RGPD3: variants seen among roughly 807,000 people sequenced by gnomAD.
RGPD3 encodes RANBP2 like and GRIP domain containing 3, also known as ranBP2-like and GRIP domain-containing protein 3.
Under a neutral mutation model 154.5 loss-of-function variants are expected in RGPD3, and 62 were observed. The ratio of observed to expected loss-of-function variants is 0.40; its 90% CI spans 0.33 to 0.50. The LOEUF is 0.50. Ranked by LOEUF, RGPD3 falls within the 20% of genes least tolerant of loss-of-function variation. The probability of loss-of-function intolerance (pLI) is 0.59; values close to 1 mark genes in which losing one functional copy is unlikely to be tolerated. For missense variants in RGPD3, 919 were observed against 1,716.8 expected, an observed-to-expected ratio of 0.54 and a Z score of 8.21; for synonymous variants, 308 against 607.0, an observed-to-expected ratio of 0.51 and a Z score of 7.24.
chr2:106,465,525 T>G (rs1573307148), intron 1 of RGPD3, among the ~76,000 whole-genome samples: 1 of 148,126 alleles, frequency 6.8e-6, no homozygotes, highest in East Asian at 2.0e-4. Context: ...GAAGCCAAGG[T>G]CCCCACTAAG....
chr2:106,409,665 G>T (rs1416642532), intron 22 of RGPD3, among the ~76,000 whole-genome samples: 3 of 151,186 alleles, frequency 2.0e-5, no homozygotes, highest in Admixed American at 2.0e-4. Context: ...AGATTTTATT[G>T]GGTTTTTGAA....
upstream of RGPD3, among the ~76,000 whole-genome samples, chr2:106,469,480 A>G (rs1678755813): frequency 6.6e-6 from 1 of 152,240 alleles, no homozygotes; most frequent in Non-Finnish European, 1.5e-5. Flanking sequence ...AATGTGGCAC[A>G]TGTTTAAAAA....
chr2:106,468,213 T>G lies in RGPD3; in HGVS notation c.72+4A>C. ...GGCCGTCGGTCTCTTCCAGACCCAC[T>G]CACCTTTCGAGGCGACGGGGCGGAG... is the stretch of plus-strand genomic sequence containing the variant. On this transcript the variant is annotated splice_donor_region_variant and intron_variant, in intron 1 of 22. Transcript: ENST00000409886. 6.2e-7 allele frequency: 1 copy of G among 1,604,102 alleles called. No homozygotes were observed. The highest frequency in any genetic ancestry group is 8.5e-7 in the Non-Finnish European group (1 of 1,176,436).
chr2:106,446,264 T>TACA (rs1677923154), intron 7 of RGPD3, among the ~76,000 whole-genome samples: 1 of 73,408 alleles, frequency 1.4e-5, no homozygotes, highest in African/African-American at 5.2e-5. Flanking sequence ...GCAGGCTCAT[T>TACA]AAAAAAAAAA....
At chr2:106,408,938 G>C (rs1024409427) in intron 22 of RGPD3, among the ~76,000 whole-genome samples, 38 of 151,570 alleles carry the variant, frequency 2.5e-4, no homozygotes, top group Middle Eastern at 3.2e-3. Flanking sequence ...CTCCTGCCTG[G>C]TCTTCTCAAA....
intron 22 of RGPD3, among the ~76,000 whole-genome samples, chr2:106,407,942 T>C (rs1267132268): frequency 7.7e-6 from 1 of 130,570 alleles, no homozygotes; most frequent in East Asian, 2.6e-4. Flanking sequence ...TGTAGAGAGT[T>C]TTAGACCTCT....
chr2:106,411,864 C>T (rs896605259), intron 22 of RGPD3, among the ~76,000 whole-genome samples: 6 of 152,154 alleles, frequency 3.9e-5, no homozygotes, highest in African/African-American at 1.4e-4. Context: ...GGAACATCAA[C>T]CAAATGCAAT....
intron 22 of RGPD3, among the ~76,000 whole-genome samples, chr2:106,412,095 A>G (rs1287495690): frequency 2.0e-5 from 3 of 146,772 alleles, no homozygotes; most frequent in Non-Finnish European, 4.5e-5. Context: ...CTCAAGAGAG[A>G]TTATAGCGTC....
Position 106,405,219 on chromosome 2 carries a change from T to G in RGPD3, c.5277A>C (p.Ter1759TyrextTer20), listed in dbSNP as rs748211381. ...KLAAVAQGEE[*>Y] The stretch of plus-strand genomic sequence containing the variant: ...CCCATCCAGAAGAACGGGAAGCATT[T>G]TATTCCTCACCTTTGGAAAGTAAAA... The change falls in exon 23 of 23, where the codon TAA (stop) becomes TAC (tyrosine). Residue 1759 changes from the stop codon to tyrosine (Y), a stop_lost. Transcript: ENST00000409886. 1.2e-6 allele frequency: 2 copies of G among 1,609,596 alleles called. No individual in the cohort carries two copies. Among genetic ancestry groups the G allele is most frequent in the South Asian group, 2.2e-5 (2 of 89,744 alleles).
chr2:106,445,999 C>T (rs1356804814), intron 7 of RGPD3, among the ~76,000 whole-genome samples: 28 of 39,762 alleles, frequency 7.0e-4, no homozygotes, highest in African/African-American at 2.6e-3. Flanking sequence ...TGAAGCAGGA[C>T]AATCGCTTGA....
In RGPD3 at chr2:106,404,289, G is replaced by A. The variant is rs1420038485; in HGVS notation, c.*930C>T. Among the ~76,000 whole-genome samples, 1 of 149,874 alleles carries A rather than the reference G, an allele frequency of 6.7e-6. No individual in the cohort carries two copies. The highest frequency in any genetic ancestry group is 2.5e-5 in the African/African-American group (1 of 40,064). ...TGCATGCAGTGACACCCTATCAAGA[G>A]CCTGGAAAGACACCATGAAATCACC... On this transcript the variant is annotated 3_prime_UTR_variant, in exon 23 of 23. Coordinates refer to ENST00000409886, the MANE Select transcript of RGPD3 (RefSeq NM_001144013.2).
chr2:106,403,477 G>T lies in RGPD3; in HGVS notation c.*1742C>A, dbSNP rs1405679170. ...TCCTCTCATTGCAGAAACCATGAAAGAATATGCCTTTTGTAATCAATTTTT... is the reference window on the plus strand; with the variant it reads ...TCCTCTCATTGCAGAAACCATGAAATAATATGCCTTTTGTAATCAATTTTT... On this transcript the variant is annotated 3_prime_UTR_variant, in exon 23 of 23. Coordinates refer to ENST00000409886, the MANE Select transcript of RGPD3 (RefSeq NM_001144013.2). 6.6e-6 allele frequency among the ~76,000 whole-genome samples: 1 copy of T among 152,064 alleles called. No homozygotes were observed. The highest frequency in any genetic ancestry group is 1.9e-4 in the East Asian group (1 of 5,138).
intron 9 of RGPD3, among the ~76,000 whole-genome samples, chr2:106,438,269 G>A (rs1417838270): frequency 6.6e-6 from 1 of 151,946 alleles, no homozygotes; most frequent in African/African-American, 2.4e-5. Flanking sequence ...AGGATCACTT[G>A]AGCCTAGGAG....
At chr2:106,467,673 C>A (rs1233123214) in intron 1 of RGPD3, among the ~76,000 whole-genome samples, 2 of 141,766 alleles carry the variant, frequency 1.4e-5, no homozygotes, top group African/African-American at 5.4e-5. Flanking sequence ...CCGTCGGGAG[C>A]CATGACGCCT....
Position 106,424,413 on chromosome 2 carries a change from G to A in RGPD3, c.3554C>T (p.Thr1185Ile), listed in dbSNP as rs1181406570. Reference sequence around the variant, plus strand: ...CTGTATTAACTTGGCAGCTCTGCCAGTATCTACAAGTTTATGGGGAGTTTG... The same window carrying A: ...CTGTATTAACTTGGCAGCTCTGCCAATATCTACAAGTTTATGGGGAGTTTG... ...PLQTPHKLVD[T>I]GRAAKLIQRA... The change falls in exon 20 of 23, where the codon ACT (threonine) becomes ATT (isoleucine). Residue 1185 changes from threonine to isoleucine, a missense_variant. Physicochemically the swap from Thr to Ile is moderately conservative, Grantham distance 89 (BLOSUM62 -1). Coordinates refer to ENST00000409886, the MANE Select transcript of RGPD3 (RefSeq NM_001144013.2). The A allele has an allele frequency of 6.2e-7, 1 of 1,610,680 alleles. No individual in the cohort carries two copies. The highest frequency in any genetic ancestry group is 1.7e-5 in the Admixed American group (1 of 59,956).
chr2:106,403,536 G>C lies in RGPD3; in HGVS notation c.*1683C>G. Among the ~76,000 whole-genome samples the C allele has an allele frequency of 6.6e-6, 1 of 152,186 alleles. No homozygotes were observed. The highest frequency in any genetic ancestry group is 6.6e-5 in the Admixed American group (1 of 15,266). ...AAAAAAGTATTTTGTTATGACATTT[G>C]TAAGTGGAGACTATATTTCAAAACA... On this transcript the variant is annotated 3_prime_UTR_variant, in exon 23 of 23. Coordinates refer to ENST00000409886, the MANE Select transcript of RGPD3 (RefSeq NM_001144013.2).
intron 17 of RGPD3, among the ~76,000 whole-genome samples, chr2:106,430,504 G>GTGTT (rs1392549585): frequency 6.7e-6 from 1 of 148,808 alleles, no homozygotes; most frequent in Non-Finnish European, 1.5e-5. Context: ...TCCTTTCAGT[G>GTGTT]TGTTCTTTCT....
At chr2:106,450,058 AC>A (rs1453904145) in intron 6 of RGPD3, among the ~76,000 whole-genome samples, 2 of 139,848 alleles carry the variant, frequency 1.4e-5, no homozygotes, top group African/African-American at 5.3e-5. Flanking sequence ...ACATGATGAA[AC>A]CCTGTTTCTA....
chr2:106,409,871 C>CTTTTTTTTTTTTTTT (rs57602292), intron 22 of RGPD3, among the ~76,000 whole-genome samples: 1 of 94,440 alleles, frequency 1.1e-5, no homozygotes, highest in Non-Finnish European at 2.0e-5. Context: ...TTGTAGTTTA[C>CTTTTTTTTTTTTTTT]TTTTTTTTTT....
Sources: allele counts gnomAD v4.1 joint callset (sites outside exome capture counted in the v4.1 genomes callset), GRCh38; gene constraint gnomAD v4.1.1; transcripts MANE v1.5; gene names NCBI Gene and HGNC (gene_info 2026-07-23, HGNC 2026-07-21).